CHSY3: variants seen among roughly 807,000 people sequenced by gnomAD.
CHSY3 encodes N-acetylgalactosaminyl-proteoglycan 3-beta-glucuronosyltransferase 3.
A neutral mutation model predicts 67.2 loss-of-function variants in CHSY3; 35 were observed. The ratio of observed to expected loss-of-function variants is 0.52; its 90% confidence interval spans 0.40 to 0.69. CHSY3 has a LOEUF of 0.69. Among genes scored for constraint, CHSY3 ranks in the 30% least tolerant of loss-of-function variants. The pLI is 0.00. For synonymous variants in CHSY3, 474 were observed against 434.7 expected, an observed-to-expected ratio of 1.09 and a Z score of -1.12; for missense variants, 1,069 against 1,138.5, an observed-to-expected ratio of 0.94 and a Z score of 0.88.
chr5:129,927,437 C>G (rs1177814147), intron 2 of CHSY3, among the ~76,000 whole-genome samples: 7 of 151,872 alleles, frequency 4.6e-5, no homozygotes, highest in Non-Finnish European at 1.0e-4. Flanking sequence ...CTACCCAAAA[C>G]CCTTAAAATA....
At chr5:130,165,280 T>TGAAGAAGA (rs1365987922) in intron 2 of CHSY3, among the ~76,000 whole-genome samples, 1 of 151,988 alleles carries the variant, frequency 6.6e-6, no homozygotes, top group Non-Finnish European at 1.5e-5. Flanking sequence ...CCAGAAGATA[T>TGAAGAAGA]GAAGAAGAGA....
intron 2 of CHSY3, among the ~76,000 whole-genome samples, chr5:130,096,484 G>A (rs1359206796): frequency 6.6e-6 from 1 of 152,088 alleles, no homozygotes; most frequent in East Asian, 1.9e-4. Context: ...TAGTAGTATT[G>A]TATCAAAGTG....
chr5:130,016,560 C>T lies in CHSY3; in HGVS notation c.1086+108200C>T, dbSNP rs566867656. ...CCAAGTAGCTGAGATTACAGGTGCC[C>T]GGGATTACAGCTAATTTTTTTGTAT... is the stretch of plus-strand genomic sequence containing the variant. On this transcript the variant is annotated intron_variant, in intron 2 of 2. Transcript: ENST00000305031. 5.9e-5 allele frequency among the ~76,000 whole-genome samples: 9 copies of T among 152,134 alleles called. No individual in the cohort carries two copies. The South Asian group carries it at 1.7e-3, about 28-fold the overall frequency.
intron 2 of CHSY3, among the ~76,000 whole-genome samples, chr5:129,965,808 A>G (rs1762454235): frequency 6.6e-6 from 1 of 151,964 alleles, no homozygotes; most frequent in Non-Finnish European, 1.5e-5. Context: ...ATTTTATTTT[A>G]TATTACAGAA....
chr5:129,910,001 C>G (rs1192300271), intron 2 of CHSY3, among the ~76,000 whole-genome samples: 1 of 151,910 alleles, frequency 6.6e-6, no homozygotes, highest in Non-Finnish European at 1.5e-5. Context: ...CTGTGAAGGC[C>G]TAGTCTTCAC....
chr5:129,943,404 T>G (rs1476227731), intron 2 of CHSY3, among the ~76,000 whole-genome samples: 1 of 152,254 alleles, frequency 6.6e-6, no homozygotes, highest in Non-Finnish European at 1.5e-5. Context: ...GATTGTCATA[T>G]TAAATTAATG....
chr5:130,116,551 C>A (rs1398417448), intron 2 of CHSY3, among the ~76,000 whole-genome samples: 1 of 151,786 alleles, frequency 6.6e-6, no homozygotes, highest in East Asian at 1.9e-4. Context: ...TTTCTTTATT[C>A]CTGATGTAAT....
chr5:129,959,273 C>G (rs1305074527), intron 2 of CHSY3, among the ~76,000 whole-genome samples: 1 of 152,052 alleles, frequency 6.6e-6, no homozygotes, highest in Non-Finnish European at 1.5e-5. Context: ...GAGATGATCT[C>G]ATCATCATAT....
chr5:130,118,297 G>T (rs1767885313), intron 2 of CHSY3, among the ~76,000 whole-genome samples: 1 of 152,128 alleles, frequency 6.6e-6, no homozygotes, highest in African/African-American at 2.4e-5. Context: ...ATATTTATAA[G>T]TCAGGGCATT....
chr5:129,964,327 C>G (rs897401114), intron 2 of CHSY3, among the ~76,000 whole-genome samples: 1 of 151,882 alleles, frequency 6.6e-6, no homozygotes, highest in African/African-American at 2.4e-5. Context: ...AATTCCCACT[C>G]CTACTGCCCT....
chr5:130,027,938 G>C lies in CHSY3; in HGVS notation c.1086+119578G>C, dbSNP rs184233297. ...ATAGTGCTGCAATAAACATATGTGTGCATGTGCTTTTATAGCAACATGATT... is the reference window on the plus strand; with the variant it reads ...ATAGTGCTGCAATAAACATATGTGTCCATGTGCTTTTATAGCAACATGATT... On this transcript the variant is annotated intron_variant, in intron 2 of 2. Coordinates refer to ENST00000305031, the MANE Select transcript of CHSY3 (RefSeq NM_175856.5). Among the ~76,000 whole-genome samples the C allele has an allele frequency of 1.1e-4, 16 of 152,284 alleles. No individual in the cohort carries two copies. The East Asian group carries it at 3.1e-3, about 29-fold the overall frequency.
At chr5:129,979,039 A>C (rs1195732431) in intron 2 of CHSY3, among the ~76,000 whole-genome samples, 4 of 151,646 alleles carry the variant, frequency 2.6e-5, no homozygotes, top group Non-Finnish European at 4.4e-5. Context: ...TCTACTAAAA[A>C]TACAAAAAAA....
chr5:130,057,689 A>G (rs116276928), intron 2 of CHSY3, among the ~76,000 whole-genome samples: 2 of 152,226 alleles, frequency 1.3e-5, no homozygotes, highest in African/African-American at 4.8e-5. Flanking sequence ...GGACTCATCT[A>G]TAATTTTTGG....
intron 2 of CHSY3, among the ~76,000 whole-genome samples, chr5:130,177,971 G>C (rs1296298409): frequency 6.6e-6 from 1 of 151,018 alleles, no homozygotes; most frequent in Non-Finnish European, 1.5e-5. Context: ...TAACTTTCTA[G>C]ATTTTATTAC....
intron 2 of CHSY3, among the ~76,000 whole-genome samples, chr5:129,937,488 C>T (rs1761537845): frequency 6.6e-6 from 1 of 151,998 alleles, no homozygotes; most frequent in African/African-American, 2.4e-5. Context: ...GTCCCTGGAC[C>T]CTCCCAAGTC....
At chr5:130,115,499 G>A (rs1180016708) in intron 2 of CHSY3, among the ~76,000 whole-genome samples, 2 of 152,136 alleles carry the variant, frequency 1.3e-5, no homozygotes, top group East Asian at 3.9e-4. Flanking sequence ...TACTTATAAT[G>A]CTTGCTGAAG....
chr5:129,922,890 T>C (rs1415929957), intron 2 of CHSY3, among the ~76,000 whole-genome samples: 2 of 152,212 alleles, frequency 1.3e-5, no homozygotes, highest in Admixed American at 1.3e-4. Context: ...ATGCATAGTA[T>C]TGTTGAAAAT....
intron 2 of CHSY3, among the ~76,000 whole-genome samples, chr5:130,075,535 C>T (rs1335189704): frequency 6.6e-6 from 1 of 152,010 alleles, no homozygotes; most frequent in Non-Finnish European, 1.5e-5. Flanking sequence ...TTTCAAGTGG[C>T]TGTTACACAC....
chr5:130,041,519 T>G (rs1161516949), intron 2 of CHSY3, among the ~76,000 whole-genome samples: 1 of 152,118 alleles, frequency 6.6e-6, no homozygotes, highest in African/African-American at 2.4e-5. Context: ...CACACGTTAC[T>G]TAGGTTACTT....
Sources: allele counts gnomAD v4.1 joint callset (sites outside exome capture counted in the v4.1 genomes callset), GRCh38; gene constraint gnomAD v4.1.1; transcripts MANE v1.5; gene names NCBI Gene and HGNC (gene_info 2026-07-23, HGNC 2026-07-21).